Variants in DAAM2 observed in about 807,000 individuals in gnomAD.
DAAM2 encodes the protein dishevelled associated activator of morphogenesis 2.
In DAAM2, 39 loss-of-function variants were observed where a neutral mutation model predicts 120.7. That is an observed-to-expected ratio of 0.32 (90% confidence interval 0.25 to 0.42). DAAM2 has a LOEUF of 0.42. DAAM2 is among the 10% of genes least tolerant of loss of function. The probability of loss-of-function intolerance (pLI) is 1.00; values close to 1 mark genes in which losing one functional copy is unlikely to be tolerated. For synonymous variants in DAAM2, 488 were observed against 524.9 expected (o/e 0.93, Z 0.96); for missense variants, 1,283 against 1,401.7 (o/e 0.92, Z 1.35).
At chr6:39,887,721 T>C in intron 16 of DAAM2, 129 bp downstream of exon 16, 1 of 414,064 alleles carries the variant, frequency 2.4e-6, no homozygotes, top group Admixed American at 3.8e-5. Flanking sequence ...GATCTGGAAC[T>C]GTCTCTCGGG....
intron 2 of DAAM2, among the ~76,000 whole-genome samples, chr6:39,860,446 T>C (rs190588442): frequency 2.3e-4 from 35 of 152,210 alleles, no homozygotes; most frequent in Admixed American, 1.3e-3. Flanking sequence ...AGGGCAGAGA[T>C]TCGAAGGGCA....
At chr6:39,838,384 G>A (rs910138468) in intron 1 of DAAM2, among the ~76,000 whole-genome samples, 1 of 152,192 alleles carries the variant, frequency 6.6e-6, no homozygotes, top group Non-Finnish European at 1.5e-5. Flanking sequence ...ATTCCCGGGT[G>A]ATGCTGATGC....
intron 17 of DAAM2, 43 bp from the exon 18 acceptor site, chr6:39,891,298 C>T: frequency 2.7e-6 from 4 of 1,464,392 alleles, no homozygotes; most frequent in Non-Finnish European, 2.8e-6. Context: ...CCCATGTCTG[C>T]TGCTCACCAG....
chr6:39,844,407 A>G (rs1763480884), intron 1 of DAAM2, among the ~76,000 whole-genome samples: 1 of 151,868 alleles, frequency 6.6e-6, no homozygotes, highest in Non-Finnish European at 1.5e-5. Flanking sequence ...ACCCAGAGCT[A>G]AATCGAAGCT....
chr6:39,900,347 T>A, intron 23 of DAAM2, 139 bp downstream of exon 23: 2 of 974,404 alleles, frequency 2.1e-6, no homozygotes, highest in Non-Finnish European at 3.0e-6. Context: ...TCTTCGCTCT[T>A]AACAAGACAA....
At chr6:39,861,378 T>G in intron 3 of DAAM2, 1 of 366,184 alleles carries the variant, frequency 2.7e-6, no homozygotes, top group Admixed American at 3.7e-5. Flanking sequence ...AGAAATCAGT[T>G]TGGGGGGCAG....
chr6:39,838,222 A>G lies in DAAM2; in HGVS notation c.-56-18025A>G, dbSNP rs969014013. On this transcript the variant is annotated intron_variant, in intron 1 of 24. Coordinates refer to ENST00000274867, the MANE Select transcript of DAAM2 (RefSeq NM_001201427.2). Reference sequence around the variant, plus strand: ...TCTTCATTTGTCAACTAGAGATCACAGTAATAATGACCTCACATTTTTCTT... The same window carrying G: ...TCTTCATTTGTCAACTAGAGATCACGGTAATAATGACCTCACATTTTTCTT... 2.6e-5 allele frequency among the ~76,000 whole-genome samples: 4 copies of G among 152,356 alleles called. No homozygotes were observed. In the South Asian group the frequency reaches 8.3e-4, roughly 32 times the overall value.
intron 1 of DAAM2, among the ~76,000 whole-genome samples, chr6:39,850,984 A>G (rs1763787336): frequency 6.6e-6 from 1 of 152,192 alleles, no homozygotes; most frequent in Non-Finnish European, 1.5e-5. Context: ...TCCTAGCTCT[A>G]TCTCTTAGCA....
intron 1 of DAAM2, among the ~76,000 whole-genome samples, chr6:39,835,828 C>T (rs1292574498): frequency 6.6e-6 from 1 of 151,604 alleles, no homozygotes; most frequent in African/African-American, 2.4e-5. Flanking sequence ...CTTGGAAGGG[C>T]CCTGTCTTGG....
At chr6:39,818,091 A>T (rs1024697998) in intron 1 of DAAM2, among the ~76,000 whole-genome samples, 8 of 151,026 alleles carry the variant, frequency 5.3e-5, no homozygotes, top group Non-Finnish European at 5.9e-5. Flanking sequence ...AGGCAGGAGA[A>T]TCGCTTGAAG....
At chr6:39,845,116 G>A (rs376683027) in intron 1 of DAAM2, among the ~76,000 whole-genome samples, 1 of 140,536 alleles carries the variant, frequency 7.1e-6, no homozygotes, top group Non-Finnish European at 1.6e-5. Flanking sequence ...CATACCACAT[G>A]TACCCAAACC....
At position 39,873,350 on chromosome 6, in the gene DAAM2, T is replaced by A; in HGVS notation, c.1157T>A (p.Met386Lys). 1 of 1,606,950 alleles carries A rather than the reference T, an allele frequency of 6.2e-7. No individual in the cohort carries two copies. The highest frequency in any genetic ancestry group is 1.1e-5 in the South Asian group (1 of 90,366). Reference sequence around the variant, plus strand: ...TCTGTGCTGCACCACTGCCTGCAGATGCCCTGTAAGTACCCTGCACTTGCT... The same window carrying A: ...TCTGTGCTGCACCACTGCCTGCAGAAGCCCTGTAAGTACCCTGCACTTGCT... ...LLSVLHHCLQ[M>K]PYKRNGGYFQ... is the part of the protein sequence containing the mutation. The change falls in exon 10 of 25, where the codon ATG becomes AAG. Residue 386 changes from methionine (M) to lysine (K), a missense_variant. Physicochemically the swap from Met to Lys is moderately conservative, Grantham distance 95. Around this residue, in one of 3 missense-constraint regions of DAAM2, gnomAD observed 338 missense variants for 443.9 expected, o/e 0.76. Coordinates refer to ENST00000274867, the MANE Select transcript of DAAM2 (RefSeq NM_001201427.2).
chr6:39,899,854 T>C, intron 22 of DAAM2: 1 of 434,732 alleles, frequency 2.3e-6, no homozygotes, highest in East Asian at 4.1e-5. Flanking sequence ...TGGCCCCAGG[T>C]CACATGTTGG....
rs1318733110 is a variant in DAAM2 at position 39,805,624 on chromosome 6, G to A, written c.-57+13159G>A. Among the ~76,000 whole-genome samples the A allele has an allele frequency of 4.0e-5, 6 of 150,982 alleles. 1 individual carries two copies. The highest frequency in any genetic ancestry group is 1.3e-4 in the Admixed American group (2 of 15,160). ...GGCTGGAGTGCAGTGACACGATCTC[G>A]GGTCACTGCAACCTCTGCCTCCTGG... is the stretch of plus-strand genomic sequence containing the variant. On this transcript the variant is annotated intron_variant, in intron 1 of 24. Coordinates refer to ENST00000274867, the MANE Select transcript of DAAM2 (RefSeq NM_001201427.2).
chr6:39,831,504 G>C (rs1762887284), intron 1 of DAAM2, among the ~76,000 whole-genome samples: 1 of 151,836 alleles, frequency 6.6e-6, no homozygotes, highest in African/African-American at 2.4e-5. Flanking sequence ...TGAGGCACAG[G>C]GAGGTTAAGT....
intron 14 of DAAM2, 111 bp from the exon 15 acceptor site, chr6:39,883,851 T>C: frequency 1.4e-6 from 1 of 700,310 alleles, no homozygotes; most frequent in Non-Finnish European, 2.5e-6. Context: ...TCTGAAATCC[T>C]GGTCATCTTA....
chr6:39,898,494 G>T (rs546264573), intron 21 of DAAM2, among the ~76,000 whole-genome samples: 95 of 152,344 alleles, frequency 6.2e-4, no homozygotes, highest in African/African-American at 2.2e-3. Flanking sequence ...AAACATAGTG[G>T]TAAATGGCTC....
intron 1 of DAAM2, among the ~76,000 whole-genome samples, chr6:39,813,944 G>T (rs1271103933): frequency 6.6e-6 from 1 of 152,176 alleles, no homozygotes. Flanking sequence ...GTGTGGAAAA[G>T]GGTCATGGCC....
intron 1 of DAAM2, among the ~76,000 whole-genome samples, chr6:39,793,697 C>T (rs1431428746): frequency 6.6e-6 from 1 of 152,138 alleles, no homozygotes; most frequent in Non-Finnish European, 1.5e-5. Flanking sequence ...TCCCTAGGGC[C>T]TAGGGCGGAA....
Sources: gnomAD v4.1 joint callset for allele counts (sites outside exome capture counted in the v4.1 genomes callset) on GRCh38, gnomAD v4.1.1 for gene constraint, gnomAD v4.1.1 regional missense constraint, MANE v1.5 for transcripts, NCBI Gene and HGNC (gene_info 2026-07-23, HGNC 2026-07-21) for gene names.